ZNHIT6: variants seen among roughly 807,000 people sequenced by gnomAD.
ZNHIT6 encodes box C/D snoRNA protein 1.
In ZNHIT6, 45 loss-of-function variants were observed where a neutral mutation model predicts 57.2. The ratio of observed to expected loss-of-function variants is 0.79; its 90% CI spans 0.62 to 1.01. The LOEUF is 1.01. Ranked by LOEUF, ZNHIT6 falls within the 50% of genes least tolerant of loss-of-function variation. The probability of loss-of-function intolerance (pLI) is 0.00; values close to 1 mark genes in which losing one functional copy is unlikely to be tolerated. For synonymous variants in ZNHIT6, 188 were observed against 190.0 expected (o/e 0.99, Z 0.09); for missense variants, 528 against 567.3 (o/e 0.93, Z 0.70).
At position 85,708,385 on chromosome 1, in the gene ZNHIT6, G is replaced by T. The variant is rs1570343734; in HGVS notation, c.-101C>A. On this transcript the variant is annotated 5_prime_UTR_variant, in exon 1 of 10. Coordinates refer to ENST00000370574, the MANE Select transcript of ZNHIT6 (RefSeq NM_017953.4). ...GGTCGGAATACCTACGGCGGCCCAC[G>T]TGTGGAGCCAAGCAGCCACAAACCC... The T allele has an allele frequency of 2.1e-6, 3 of 1,433,344 alleles. No homozygotes were observed. Among genetic ancestry groups the T allele is most frequent in the Admixed American group, 4.7e-5 (2 of 42,186 alleles). The allele number at this position is 1,433,344 out of a possible 1,614,324, so 88.8% of individuals were successfully genotyped here. A position where few individuals can be genotyped will look rare whatever the true frequency, so the allele number is the denominator to read the frequency against.
chr1:85,694,748 C>A (rs556432449), intron 5 of ZNHIT6, among the ~76,000 whole-genome samples: 1 of 152,292 alleles, frequency 6.6e-6, no homozygotes, highest in Admixed American at 6.5e-5. Flanking sequence ...GCATGAGCCA[C>A]CACGGCTGGC....
rs974289874 is a variant in ZNHIT6 at position 85,708,400 on chromosome 1, G to A, written c.-116C>T. 7.5e-6 allele frequency: 10 copies of A among 1,335,832 alleles called. No individual in the cohort carries two copies. Among genetic ancestry groups the A allele is most frequent in the Admixed American group, 2.5e-5 (1 of 39,592 alleles). The allele number at this position is 1,335,832 out of a possible 1,614,324, so 82.7% of individuals were successfully genotyped here. A position where few individuals can be genotyped will look rare whatever the true frequency, so the allele number is the denominator to read the frequency against. On this transcript the variant is annotated 5_prime_UTR_variant, in exon 1 of 10. Coordinates refer to ENST00000370574, the MANE Select transcript of ZNHIT6 (RefSeq NM_017953.4). ...GGCGGCCCACGTGTGGAGCCAAGCA[G>A]CCACAAACCCGGAATAGCCTGCTTG...
chr1:85,668,059 AG>A, intron 8 of ZNHIT6, among the ~76,000 whole-genome samples: 1 of 145,960 alleles, frequency 6.9e-6, no homozygotes, highest in African/African-American at 2.5e-5. Flanking sequence ...TTTTATACCA[AG>A]TAGTATGTTT....
intron 6 of ZNHIT6, among the ~76,000 whole-genome samples, chr1:85,679,374 C>A (rs2100680083): frequency 6.6e-6 from 1 of 152,120 alleles, no homozygotes; most frequent in East Asian, 1.9e-4. Context: ...GCTACATACC[C>A]CTAGATGTAA....
chr1:85,674,327 G>A (rs1661644593), intron 8 of ZNHIT6, among the ~76,000 whole-genome samples: 1 of 151,854 alleles, frequency 6.6e-6, no homozygotes, highest in Non-Finnish European at 1.5e-5. Context: ...CGGAGACGAG[G>A]TCCTGCTATG....
intron 5 of ZNHIT6, among the ~76,000 whole-genome samples, chr1:85,701,011 T>TG (rs1662516374): frequency 6.6e-6 from 1 of 152,204 alleles, no homozygotes; most frequent in South Asian, 2.1e-4. Context: ...TTCACCATGT[T>TG]GCCCAGGCTG....
At chr1:85,693,846 T>C (rs1427465084) in intron 5 of ZNHIT6, among the ~76,000 whole-genome samples, 1 of 152,138 alleles carries the variant, frequency 6.6e-6, no homozygotes, top group Non-Finnish European at 1.5e-5. Context: ...GGGCTGGGCG[T>C]GGGGGCTGAT....
In ZNHIT6 at chr1:85,701,660, G is replaced by A. The variant is rs116060989; in HGVS notation, c.1019+497C>T. Among the ~76,000 whole-genome samples, 291 of 152,240 alleles carry A rather than the reference G, an allele frequency of 1.9e-3. 1 individual carries two copies. Among genetic ancestry groups the A allele is most frequent in the African/African-American group, 6.8e-3 (281 of 41,552 alleles). ...CTGCCTTGATTAAAACAGTACAGGC[G>A]TCCTGTTTTTACTCGTTTTGTCCTG... On this transcript the variant is annotated intron_variant, in intron 5 of 9. Transcript: ENST00000370574.
At chr1:85,706,220 C>T in intron 3 of ZNHIT6, 29 bp downstream of exon 3, 1 of 1,609,948 alleles carries the variant, frequency 6.2e-7, no homozygotes, top group Non-Finnish European at 8.5e-7. Context: ...GCCAGGAAGC[C>T]TCAATTTGCT....
chr1:85,687,534 G>T (rs561918416), intron 5 of ZNHIT6, among the ~76,000 whole-genome samples: 1 of 152,026 alleles, frequency 6.6e-6, no homozygotes, highest in East Asian at 1.9e-4. Flanking sequence ...ATTAACAAAG[G>T]TTTTAAAAAA....
At chr1:85,661,956 T>G (rs1413527600) in intron 8 of ZNHIT6, among the ~76,000 whole-genome samples, 2 of 152,144 alleles carry the variant, frequency 1.3e-5, no homozygotes, top group Non-Finnish European at 2.9e-5. Context: ...CTGACCCTGC[T>G]CTGGGCAGCC....
intron 5 of ZNHIT6, among the ~76,000 whole-genome samples, chr1:85,684,294 T>G (rs76513176): frequency 6.6e-6 from 1 of 152,202 alleles, no homozygotes; most frequent in East Asian, 1.9e-4. Context: ...TAACCTCTTC[T>G]GAGTCCTATG....
intron 8 of ZNHIT6, among the ~76,000 whole-genome samples, chr1:85,666,360 C>G (rs926903965): frequency 1.3e-5 from 2 of 152,162 alleles, no homozygotes; most frequent in Admixed American, 1.3e-4. Context: ...AGTAGATTAA[C>G]ATTACGCTAA....
rs768801706 is a variant in ZNHIT6 at position 85,652,047 on chromosome 1, C to T, written c.*2011G>A. 16 of 152,120 alleles carry T rather than the reference C, an allele frequency of 1.1e-4. No homozygotes were observed. Among genetic ancestry groups the T allele is most frequent in the Non-Finnish European group, 1.8e-4 (12 of 68,028 alleles). The allele number at this position is 152,120 out of a possible 1,614,324, so 9.4% of individuals were successfully genotyped here. ...CTAGAAAATAAAGATGGCAAAGATG[C>T]ATTAGATAATATAGATTTCTTTTTT... is the stretch of plus-strand genomic sequence containing the variant. On this transcript the variant is annotated 3_prime_UTR_variant, in exon 10 of 10. Transcript: ENST00000370574.
At position 85,667,658 on chromosome 1, in the gene ZNHIT6, T is replaced by C. The variant is rs146510861; in HGVS notation, c.1247+9578A>G. On this transcript the variant is annotated intron_variant, in intron 8 of 9. Transcript: ENST00000370574. ...AAAAAAAAAAAGAATAATGGCCATG[T>C]GTGGTGGCTCACACCTGTAATCCCA... 5.1e-3 allele frequency among the ~76,000 whole-genome samples: 740 copies of C among 146,290 alleles called. 4 individuals carry two copies. The highest frequency in any genetic ancestry group is 0.018 in the African/African-American group (699 of 39,758).
At chr1:85,698,564 T>C (rs1274213194) in intron 5 of ZNHIT6, among the ~76,000 whole-genome samples, 1 of 152,156 alleles carries the variant, frequency 6.6e-6, no homozygotes, top group Non-Finnish European at 1.5e-5. Flanking sequence ...TGAAAACATG[T>C]AAATTTTAAG....
chr1:85,699,534 T>C (rs1188224205), intron 5 of ZNHIT6, among the ~76,000 whole-genome samples: 1 of 152,120 alleles, frequency 6.6e-6, no homozygotes, highest in Non-Finnish European at 1.5e-5. Context: ...ACCTCTCTAA[T>C]AAAGCTGCCC....
At chr1:85,658,957 C>A (rs551468505) in intron 8 of ZNHIT6, among the ~76,000 whole-genome samples, 1 of 151,966 alleles carries the variant, frequency 6.6e-6, no homozygotes, top group African/African-American at 2.4e-5. Flanking sequence ...ATTTGAATTC[C>A]TCAAATATAT....
At chr1:85,705,357 G>A (rs1192978352) in intron 4 of ZNHIT6, among the ~76,000 whole-genome samples, 1 of 152,024 alleles carries the variant, frequency 6.6e-6, no homozygotes, top group African/African-American at 2.4e-5. Context: ...TGGGAGTACA[G>A]GGGCACGCCA....
Sources: allele counts gnomAD v4.1 joint callset (sites outside exome capture counted in the v4.1 genomes callset), GRCh38; gene constraint gnomAD v4.1.1; transcripts MANE v1.5; gene names NCBI Gene and HGNC (gene_info 2026-07-23, HGNC 2026-07-21).